PBX1: variants seen among roughly 807,000 people sequenced by gnomAD.
The protein encoded by PBX1 is pre-B-cell leukemia transcription factor 1.
PBX1 carries 6 observed loss-of-function variants against 53.4 expected under a neutral mutation model. That is an observed-to-expected ratio of 0.11 (90% CI 0.06 to 0.22). PBX1 has a LOEUF of 0.22. Ranked by LOEUF, PBX1 falls within the 10% of genes least tolerant of loss-of-function variation. PBX1 has a pLI of 1.00. For missense variants in PBX1, 251 were observed against 551.4 expected (o/e 0.46, Z 5.46); for synonymous variants, 204 against 212.3 (o/e 0.96, Z 0.34).
rs376086693 is a variant in PBX1, at chr1:164,781,243, A to C, written c.266-11251A>C. Among the ~76,000 whole-genome samples the C allele has an allele frequency of 1.4e-3, 218 of 152,268 alleles. No individual in the cohort carries two copies. In the Middle Eastern group the frequency reaches 0.02, roughly 14 times the overall value. On this transcript the variant is annotated intron_variant, in intron 2 of 8. Transcript: ENST00000420696. ...GTGTGTTTTGAAATGGACCTGGGGC[A>C]CCCATAAATAGACCCAGTGTCCTTC...
intron 2 of PBX1, chr1:164,700,813 G>A: frequency 1.2e-6 from 1 of 849,666 alleles, no homozygotes. Context: ...GTGTTTTGGT[G>A]GTGGCCAGCC....
chr1:164,794,155 G>A (rs60178125), intron 3 of PBX1, among the ~76,000 whole-genome samples: 3,954 of 152,064 alleles, frequency 0.026, 167 homozygotes, highest in African/African-American at 0.091. Context: ...GATTATAGGC[G>A]TGAGCCACCA....
In PBX1 at chr1:164,593,224, C is replaced by T. The variant is rs1013780745; in HGVS notation, c.265+29913C>T. Among the ~76,000 whole-genome samples the T allele has an allele frequency of 4.6e-5, 7 of 152,156 alleles. No homozygotes were observed. In the South Asian group the frequency reaches 1.0e-3, roughly 22 times the overall value. On this transcript the variant is annotated intron_variant, in intron 2 of 8. Transcript: ENST00000420696. ...CTGCCTGCCTCGGCCTTGCAAAGTG[C>T]GGGAATAACAGGCATGAGCCACCAC... is the stretch of plus-strand genomic sequence containing the variant.
chr1:164,735,244 G>A (rs1036446088), intron 2 of PBX1, among the ~76,000 whole-genome samples: 1 of 152,170 alleles, frequency 6.6e-6, no homozygotes, highest in African/African-American at 2.4e-5. Context: ...TGCTTAGAAA[G>A]GGCCAAAATA....
At chr1:164,578,581 C>A (rs552103360) in intron 2 of PBX1, among the ~76,000 whole-genome samples, 1 of 152,094 alleles carries the variant, frequency 6.6e-6, no homozygotes, top group Non-Finnish European at 1.5e-5. Flanking sequence ...GTGGCCCTTA[C>A]CCTCAAGGAG....
intron 2 of PBX1, among the ~76,000 whole-genome samples, chr1:164,595,618 A>G (rs1205564211): frequency 1.3e-5 from 2 of 152,238 alleles, no homozygotes; most frequent in South Asian, 2.1e-4. Flanking sequence ...GTGATTGCCA[A>G]ACTGATATGA....
chr1:164,869,168 A>G (rs527665377), intron 2 of PBX1, among the ~76,000 whole-genome samples: 69 of 152,346 alleles, frequency 4.5e-4, no homozygotes, highest in African/African-American at 1.6e-3. Flanking sequence ...GCAACAGGCT[A>G]TGGCCATACC....
At chr1:164,692,528 A>G (rs1005860217) in intron 2 of PBX1, among the ~76,000 whole-genome samples, 3 of 152,102 alleles carry the variant, frequency 2.0e-5, no homozygotes, top group Non-Finnish European at 2.9e-5. Flanking sequence ...CTGCTTTTCA[A>G]TTATAATAAT....
intron 2 of PBX1, among the ~76,000 whole-genome samples, chr1:164,669,367 C>T (rs976977585): frequency 3.9e-5 from 6 of 152,114 alleles, no homozygotes; most frequent in Admixed American, 2.0e-4. Flanking sequence ...TGGGGAGAAA[C>T]CGCTGCACTG....
intron 2 of PBX1, among the ~76,000 whole-genome samples, chr1:164,634,913 C>T (rs1460081523): frequency 1.3e-5 from 2 of 152,070 alleles, no homozygotes; most frequent in Admixed American, 1.3e-4. Context: ...GTCCATTGAT[C>T]TTGGAGCCTA....
chr1:164,873,477 C>A (rs575856045), intron 2 of PBX1, among the ~76,000 whole-genome samples: 47 of 152,304 alleles, frequency 3.1e-4, no homozygotes, highest in African/African-American at 1.1e-3. Flanking sequence ...TTCATGCTGG[C>A]CTCTGGAAGT....
chr1:164,861,184 G>A (rs1282559384), intron 2 of PBX1, among the ~76,000 whole-genome samples: 1 of 152,042 alleles, frequency 6.6e-6, no homozygotes, highest in East Asian at 1.9e-4. Context: ...CTCCCTAAAG[G>A]GAGATCTCAG....
chr1:164,814,004 G>A (rs901956512), intron 6 of PBX1: 1 of 152,192 alleles, frequency 6.6e-6, no homozygotes, highest in Non-Finnish European at 1.5e-5. Flanking sequence ...TTGTGCGTAA[G>A]TTGTTGGAAA....
At chr1:164,783,376 T>A in intron 2 of PBX1, among the ~76,000 whole-genome samples, 1 of 77,326 alleles carries the variant, frequency 1.3e-5, no homozygotes, top group South Asian at 3.9e-4. Context: ...GTCAGTAAGG[T>A]GGGGGTGGGG....
At chr1:164,872,012 A>G (rs1189720110) in intron 2 of PBX1, among the ~76,000 whole-genome samples, 1 of 152,198 alleles carries the variant, frequency 6.6e-6, no homozygotes, top group Non-Finnish European at 1.5e-5. Flanking sequence ...ATAATACTCG[A>G]GCTCAGTTCA....
At chr1:164,729,777 A>C (rs1028554636) in intron 2 of PBX1, among the ~76,000 whole-genome samples, 1 of 152,228 alleles carries the variant, frequency 6.6e-6, no homozygotes, top group Admixed American at 6.5e-5. Flanking sequence ...TGATCAGTAC[A>C]CTGTACTGCT....
At chr1:164,764,229 T>TAC (rs1389881732) in intron 2 of PBX1, among the ~76,000 whole-genome samples, 3 of 152,166 alleles carry the variant, frequency 2.0e-5, no homozygotes, top group South Asian at 4.1e-4. Context: ...GGAGTTACAA[T>TAC]ACACACACAC....
intron 2 of PBX1, among the ~76,000 whole-genome samples, chr1:164,717,818 A>G (rs968315592): frequency 6.6e-6 from 1 of 152,172 alleles, no homozygotes; most frequent in East Asian, 1.9e-4. Flanking sequence ...TGGTATTAAT[A>G]TTACCTGCTC....
chr1:164,655,103 T>TTG (rs1227732916), intron 2 of PBX1, among the ~76,000 whole-genome samples: 9 of 85,124 alleles, frequency 1.1e-4, no homozygotes, highest in Non-Finnish European at 1.7e-4. Flanking sequence ...GATGTGTGTT[T>TTG]TTTTTTTTTT....
Sources: allele counts gnomAD v4.1 joint callset (sites outside exome capture counted in the v4.1 genomes callset), GRCh38; gene constraint gnomAD v4.1.1; transcripts MANE v1.5; gene names NCBI Gene and HGNC (gene_info 2026-07-23, HGNC 2026-07-21).